Variants in ITPKC observed in about 807,000 individuals in gnomAD.
ITPKC encodes the protein IP3 3-kinase C.
A neutral mutation model predicts 67.1 loss-of-function variants in ITPKC; 33 were observed. The ratio of observed to expected loss-of-function variants is 0.49; its 90% CI spans 0.37 to 0.66. The LOEUF (loss-of-function observed/expected upper bound fraction) is 0.66. Ranked by LOEUF, ITPKC falls within the 30% of genes least tolerant of loss-of-function variation. The pLI is 0.00. For synonymous variants in ITPKC, 341 were observed against 359.8 expected, an observed-to-expected ratio of 0.95 and a Z score of 0.59; for missense variants, 820 against 892.1, an observed-to-expected ratio of 0.92 and a Z score of 1.03.
chr19:40,728,909 T>C (rs927112237), intron 2 of ITPKC, among the ~76,000 whole-genome samples: 1 of 152,070 alleles, frequency 6.6e-6, no homozygotes, highest in African/African-American at 2.4e-5. Context: ...GCACCTGTAA[T>C]CCCAGCTACT....
chr19:40,733,029 C>G, intron 3 of ITPKC, 131 bp from the exon 4 acceptor site: 1 of 695,766 alleles, frequency 1.4e-6, no homozygotes, highest in African/African-American at 1.8e-5. Flanking sequence ...TCTTTGTGGA[C>G]TCTGTTGTAT....
rs2082199200 is a variant in ITPKC, at chr19:40,717,923, G to C, written c.788G>C (p.Gly263Ala). The C allele has an allele frequency of 6.2e-7, 1 of 1,614,012 alleles. No individual in the cohort carries two copies. The highest frequency in any genetic ancestry group is 1.7e-5 in the Admixed American group (1 of 60,008). The part of the protein sequence containing the change: ...QDTEAARKQP[G>A]TGGFQIQQDT... ...ACTGAAGCAGCCAGGAAACAGCCTG[G>C]CACTGGTGGTTTCCAAATACAACAG... The change falls in exon 1 of 7, where the codon GGC becomes GCC. Residue 263 changes from glycine to alanine, a missense_variant. By Grantham distance (60) the Gly-to-Ala change is moderately conservative (BLOSUM62 0). Coordinates refer to ENST00000263370, the MANE Select transcript of ITPKC (RefSeq NM_025194.3).
chr19:40,731,603 T>TG (rs1216416809), intron 3 of ITPKC, among the ~76,000 whole-genome samples: 5 of 135,566 alleles, frequency 3.7e-5, no homozygotes, highest in Non-Finnish European at 6.5e-5. Context: ...TGGTTTTTTT[T>TG]TTTTTTTTTT....
At chr19:40,737,650 G>A (rs781137361) in intron 5 of ITPKC, 48 bp from the exon 6 acceptor site, 1 of 1,534,352 alleles carries the variant, frequency 6.5e-7, no homozygotes, top group South Asian at 1.1e-5. Flanking sequence ...GGTGGGCAAG[G>A]CCCCACAAAG....
intron 4 of ITPKC, 152 bp downstream of exon 4, chr19:40,733,516 C>T: frequency 1.5e-6 from 1 of 664,440 alleles, no homozygotes; most frequent in East Asian, 2.7e-5. Flanking sequence ...TACCTCCATA[C>T]CCATCAGAGC....
chr19:40,718,092 G>A lies in ITPKC; in HGVS notation c.957G>A (p.Leu319=). ...TGCTGACTCACCTGTACTCTCACCT[G>A]AAGTGTAGCCCCCTGTGCCCTGTGC... The part of the protein sequence containing the change: ...GELLTHLYSH[L]KCSPLCPVPR... Residue 319 remains leucine (L), a synonymous_variant, in exon 1 of 7, where the codon CTG becomes CTA. Transcript: ENST00000263370. 1 of 1,613,794 alleles carries A rather than the reference G, an allele frequency of 6.2e-7. No homozygotes were observed. Among genetic ancestry groups the A allele is most frequent in the Non-Finnish European group, 8.5e-7 (1 of 1,180,010 alleles).
In ITPKC at chr19:40,725,377, A is replaced by G. The variant is rs1355026070; in HGVS notation, c.1193A>G (p.Tyr398Cys). The G allele has an allele frequency of 1.2e-6, 2 of 1,613,868 alleles. No homozygotes were observed. The highest frequency in any genetic ancestry group is 1.7e-6 in the Non-Finnish European group (2 of 1,179,870). The change falls in exon 2 of 7, where the codon TAT becomes TGT. Residue 398 changes from tyrosine to cysteine, a missense_variant. Around this residue, in one of 2 missense-constraint regions of ITPKC, gnomAD observed 339 missense variants for 422.0 expected, o/e 0.80. Transcript: ENST00000263370. ...PWKKLKTVLK[Y>C]SPFVVSFRKH... ...AAGAAGCTGAAGACAGTTCTGAAGT[A>G]TTCACCCTTTGTGGTCTCCTTCCGA...
In ITPKC at chr19:40,737,687, C is replaced by T. The variant is rs369117388; in HGVS notation, c.1777-11C>T. 6.2e-5 allele frequency: 100 copies of T among 1,613,702 alleles called. No individual in the cohort carries two copies. The highest frequency in any genetic ancestry group is 1.6e-4 in the Middle Eastern group (1 of 6,080). Reference sequence around the variant, plus strand: ...CCCCATGCTAACCAAAGAACGCTCCCTGTCACACAGCAAAAGTACGTGGCA... The same window carrying T: ...CCCCATGCTAACCAAAGAACGCTCCTTGTCACACAGCAAAAGTACGTGGCA... On this transcript the variant is annotated splice_polypyrimidine_tract_variant and intron_variant, in intron 5 of 6. Transcript: ENST00000263370.
intron 3 of ITPKC, among the ~76,000 whole-genome samples, chr19:40,730,402 A>G (rs2082265370): frequency 6.6e-6 from 1 of 152,184 alleles, no homozygotes; most frequent in African/African-American, 2.4e-5. Flanking sequence ...GTCTTTTGAT[A>G]AACATATTTT....
intron 3 of ITPKC, among the ~76,000 whole-genome samples, chr19:40,730,112 T>A (rs542819151): frequency 6.6e-6 from 1 of 152,274 alleles, no homozygotes; most frequent in East Asian, 1.9e-4. Context: ...AATTTTTGTA[T>A]TATTAGTAGA....
chr19:40,725,343 A>G lies in ITPKC; in HGVS notation c.1159A>G (p.Lys387Glu). 1 of 1,612,498 alleles carries G rather than the reference A, an allele frequency of 6.2e-7. No individual in the cohort carries two copies. Among genetic ancestry groups the G allele is most frequent in the South Asian group, 1.1e-5 (1 of 91,066 alleles). ...ASDPEDRSGS[K>E]PWKKLKTVLK... ...CACCCTGCTCTGCTCCCTACAGAGC[A>G]AACCCTGGAAGAAGCTGAAGACAGT... is the stretch of plus-strand genomic sequence containing the variant. Residue 387 changes from lysine to glutamate, a missense_variant, in exon 2 of 7, where the codon AAA (lysine) becomes GAA (glutamate). Lys to Glu is a moderately conservative substitution (Grantham distance 56). Around this residue, in one of 2 missense-constraint regions of ITPKC, gnomAD observed 339 missense variants for 422.0 expected, o/e 0.80. Coordinates refer to ENST00000263370, the MANE Select transcript of ITPKC (RefSeq NM_025194.3).
intron 3 of ITPKC, among the ~76,000 whole-genome samples, chr19:40,731,942 TA>T (rs941376029): frequency 7.9e-5 from 12 of 151,808 alleles, no homozygotes; most frequent in Admixed American, 3.9e-4. Context: ...CCTAAAATTA[TA>T]ACAAAAGATT....
Position 40,718,038 on chromosome 19 carries a change from C to T in ITPKC, c.903C>T (p.Gly301=), listed in dbSNP as rs77659573. Residue 301 remains glycine, a synonymous_variant, in exon 1 of 7, where the codon GGC becomes GGT. Transcript: ENST00000263370. The part of the protein sequence containing the change: ...TDCLLGEPED[G]PLEEPEPGEL... ...GCCTCTTGGGAGAGCCTGAGGATGG[C>T]CCATTAGAGGAACCAGAGCCTGGAG... 2.6e-3 allele frequency: 4,210 copies of T among 1,614,104 alleles called. 7 individuals carry two copies. The highest frequency in any genetic ancestry group is 3.3e-3 in the Non-Finnish European group (3,948 of 1,180,004).
In ITPKC at chr19:40,718,181, G is replaced by A. The variant is rs745569630; in HGVS notation, c.1046G>A (p.Arg349Gln). The A allele has an allele frequency of 1.3e-6, 2 of 1,584,376 alleles. No homozygotes were observed. The highest frequency in any genetic ancestry group is 1.7e-5 in the Admixed American group (1 of 57,320). The change falls in exon 1 of 7, where the codon CGG (arginine) becomes CAG (glutamine). Residue 349 changes from arginine (R) to glutamine (Q), a missense_variant. Transcript: ENST00000263370. ...PEAQPVGPPS[R>Q]VEGGSGGFSS... The stretch of plus-strand genomic sequence containing the variant: ...GCCCAGCCAGTGGGACCCCCCTCCC[G>A]GGTTGAGGGGGGCAGCGGCGGCTTC...
chr19:40,725,508 GT>G, intron 2 of ITPKC, 69 bp downstream of exon 2: 1 of 1,072,488 alleles, frequency 9.3e-7, no homozygotes, highest in Non-Finnish European at 1.5e-6. Context: ...GTTCTCTGTA[GT>G]TTAGTTCCCC....
chr19:40,723,025 A>G (rs1024353894), intron 1 of ITPKC, among the ~76,000 whole-genome samples: 8 of 151,614 alleles, frequency 5.3e-5, no homozygotes, highest in Non-Finnish European at 8.8e-5. Flanking sequence ...GCAGTGGCAC[A>G]ATCTCGGCTC....
At chr19:40,733,927 C>T (rs2082283157) in intron 4 of ITPKC, among the ~76,000 whole-genome samples, 1 of 152,104 alleles carries the variant, frequency 6.6e-6, no homozygotes, top group Non-Finnish European at 1.5e-5. Flanking sequence ...GCTAGTCACA[C>T]AGTTCAAAAG....
In ITPKC at chr19:40,717,614, A is replaced by C; in HGVS notation, c.479A>C (p.Glu160Ala). ...TCCGACCTCCAGTTTCAGCCCGAGG[A>C]GGCCAGCCCCTGGACACAGCCAGGG... The part of the protein sequence containing the change: ...HRSDLQFQPE[E>A]ASPWTQPGVH... Residue 160 changes from glutamate to alanine, a missense_variant, in exon 1 of 7, where the codon GAG (glutamate) becomes GCG (alanine). Around this residue, in one of 2 missense-constraint regions of ITPKC, gnomAD observed 481 missense variants for 470.1 expected, o/e 1.02. Coordinates refer to ENST00000263370, the MANE Select transcript of ITPKC (RefSeq NM_025194.3). 3 of 1,614,146 alleles carry C rather than the reference A, an allele frequency of 1.9e-6. No individual in the cohort carries two copies. Among genetic ancestry groups the C allele is most frequent in the Non-Finnish European group, 1.7e-6 (2 of 1,180,006 alleles).
At position 40,718,275 on chromosome 19, in the gene ITPKC, C is replaced by T; in HGVS notation, c.1140C>T (p.Pro380=). 2 of 1,518,054 alleles carry T rather than the reference C, an allele frequency of 1.3e-6. No homozygotes were observed. Among genetic ancestry groups the T allele is most frequent in the South Asian group, 1.3e-5 (1 of 77,042 alleles). 94.0% of individuals were successfully genotyped at this position (1,518,054 alleles called of 1,614,324 possible). A position where few individuals can be genotyped will look rare whatever the true frequency, so the allele number is the denominator to read the frequency against. Residue 380 remains proline (P), a synonymous_variant, in exon 1 of 7, where the codon CCC becomes CCT. Coordinates refer to ENST00000263370, the MANE Select transcript of ITPKC (RefSeq NM_025194.3). Reference sequence around the variant, plus strand: ...CCGGGGGCGGAGGTGCCAGCGATCCCGAGGACAGGTCTGGGGTGAGTGGGA... The same window carrying T: ...CCGGGGGCGGAGGTGCCAGCGATCCTGAGGACAGGTCTGGGGTGAGTGGGA... The part of the protein sequence containing the change: ...VVAGGGGASD[P]EDRSGSKPWK...
Sources: gnomAD v4.1 joint callset for allele counts (sites outside exome capture counted in the v4.1 genomes callset) on GRCh38, gnomAD v4.1.1 for gene constraint, gnomAD v4.1.1 regional missense constraint, MANE v1.5 for transcripts, NCBI Gene and HGNC (gene_info 2026-07-23, HGNC 2026-07-21) for gene names.